Variants in UNC5C observed in about 807,000 individuals in gnomAD.
UNC5C encodes the protein netrin receptor UNC5C.
UNC5C carries 47 observed loss-of-function variants against 99.8 expected under a neutral mutation model. That is an observed-to-expected ratio of 0.47 (90% CI 0.37 to 0.60). The LOEUF (loss-of-function observed/expected upper bound fraction) is 0.60. Ranked by LOEUF, UNC5C falls within the 20% of genes least tolerant of loss-of-function variation. The pLI is 0.00. For synonymous variants in UNC5C, 487 were observed against 452.2 expected, an observed-to-expected ratio of 1.08 and a Z score of -0.98; for missense variants, 1,062 against 1,165.9, an observed-to-expected ratio of 0.91 and a Z score of 1.30.
chr4:95,184,836 T>G (rs1310947348), intron 13 of UNC5C, among the ~76,000 whole-genome samples: 6 of 152,178 alleles, frequency 3.9e-5, no homozygotes, highest in Non-Finnish European at 5.9e-5. Flanking sequence ...AAAACAATGA[T>G]AGTACATTTA....
At position 95,420,081 on chromosome 4, in the gene UNC5C, C is replaced by T. The variant is rs191457197; in HGVS notation, c.125-84450G>A. On this transcript the variant is annotated intron_variant, in intron 1 of 15. Transcript: ENST00000453304. ...AAGTATGAATACCTATAATCAGATGCGAAAACAAAGCATCCATAAGCAATT... is the reference window on the plus strand; with the variant it reads ...AAGTATGAATACCTATAATCAGATGTGAAAACAAAGCATCCATAAGCAATT... Among the ~76,000 whole-genome samples the T allele has an allele frequency of 2.2e-4, 34 of 152,152 alleles. No homozygotes were observed. In the East Asian group the frequency reaches 3.9e-3, roughly 17 times the overall value.
At chr4:95,178,480 A>G (rs1253780598) in intron 14 of UNC5C, among the ~76,000 whole-genome samples, 5 of 151,854 alleles carry the variant, frequency 3.3e-5, no homozygotes, top group African/African-American at 1.2e-4. Context: ...TGGTGAGAGT[A>G]TATCAATCAA....
intron 14 of UNC5C, among the ~76,000 whole-genome samples, chr4:95,171,428 C>G (rs1736103432): frequency 1.5e-5 from 2 of 135,496 alleles, no homozygotes; most frequent in African/African-American, 5.5e-5. Flanking sequence ...GTGTGATGTT[C>G]CCCTTCCTGT....
chr4:95,279,377 G>C (rs764654888), intron 3 of UNC5C, among the ~76,000 whole-genome samples: 2 of 152,168 alleles, frequency 1.3e-5, no homozygotes, highest in Non-Finnish European at 2.9e-5. Context: ...TTTACAAACT[G>C]TTGTTAGATG....
chr4:95,377,873 C>T (rs1994175), intron 1 of UNC5C, among the ~76,000 whole-genome samples: 14,511 of 152,172 alleles, frequency 0.095, 801 homozygotes, highest in Admixed American at 0.14. Flanking sequence ...TATGTATAAG[C>T]AGCTAGTTTC....
intron 2 of UNC5C, among the ~76,000 whole-genome samples, chr4:95,313,706 T>G (rs1391175916): frequency 2.6e-5 from 4 of 152,200 alleles, no homozygotes; most frequent in Non-Finnish European, 5.9e-5. Context: ...GCTATTTGTT[T>G]ATCTTAAAAG....
chr4:95,535,029 A>C (rs1043262072), intron 1 of UNC5C, among the ~76,000 whole-genome samples: 1 of 152,202 alleles, frequency 6.6e-6, no homozygotes, highest in African/African-American at 2.4e-5. Context: ...TGTCTTTACG[A>C]ATACAGCAAA....
At chr4:95,268,605 C>T (rs1740541430) in intron 4 of UNC5C, among the ~76,000 whole-genome samples, 1 of 152,152 alleles carries the variant, frequency 6.6e-6, no homozygotes, top group Admixed American at 6.5e-5. Flanking sequence ...TTGCAGTTTT[C>T]TTATTATACT....
At chr4:95,429,272 G>T (rs114527571) in intron 1 of UNC5C, among the ~76,000 whole-genome samples, 1 of 111,300 alleles carries the variant, frequency 9.0e-6, no homozygotes. Flanking sequence ...ATAATACTTA[G>T]TGATTCTTAA....
intron 4 of UNC5C, among the ~76,000 whole-genome samples, chr4:95,263,867 A>G (rs1359967436): frequency 2.6e-5 from 4 of 152,232 alleles, no homozygotes. Flanking sequence ...TAAATAATTT[A>G]TTCTACAACA....
chr4:95,479,019 A>T (rs1486831777), intron 1 of UNC5C, among the ~76,000 whole-genome samples: 1 of 151,958 alleles, frequency 6.6e-6, no homozygotes, highest in Non-Finnish European at 1.5e-5. Context: ...AAGCTTCCTG[A>T]AGCCTCACCA....
intron 1 of UNC5C, among the ~76,000 whole-genome samples, chr4:95,403,869 T>C (rs1437412825): frequency 2.0e-5 from 3 of 152,222 alleles, no homozygotes; most frequent in Non-Finnish European, 4.4e-5. Context: ...AAGAGGCCAG[T>C]GTGGCTCACA....
At chr4:95,289,126 G>A (rs1741351206) in intron 3 of UNC5C, among the ~76,000 whole-genome samples, 1 of 152,102 alleles carries the variant, frequency 6.6e-6, no homozygotes. Flanking sequence ...ATTTTAAAAG[G>A]TAATATAAAT....
chr4:95,286,202 C>T (rs1741229540), intron 3 of UNC5C, among the ~76,000 whole-genome samples: 1 of 152,098 alleles, frequency 6.6e-6, no homozygotes, highest in East Asian at 1.9e-4. Context: ...TCAAAATAAA[C>T]ATAACCAAGT....
chr4:95,484,769 A>G (rs1721276787), intron 1 of UNC5C, among the ~76,000 whole-genome samples: 1 of 151,900 alleles, frequency 6.6e-6, no homozygotes, highest in African/African-American at 2.4e-5. Context: ...TTCCGAAGAA[A>G]TCAACTAAAT....
At chr4:95,356,427 A>G (rs879488888) in intron 1 of UNC5C, among the ~76,000 whole-genome samples, 7 of 152,218 alleles carry the variant, frequency 4.6e-5, no homozygotes, top group Middle Eastern at 3.4e-3. Flanking sequence ...ACTGCTTGGG[A>G]GGCATCAGCA....
At chr4:95,511,770 G>C (rs909837968) in intron 1 of UNC5C, among the ~76,000 whole-genome samples, 1 of 152,086 alleles carries the variant, frequency 6.6e-6, no homozygotes, top group Non-Finnish European at 1.5e-5. Context: ...GGAGAAAGAT[G>C]TCGACATTCA....
intron 1 of UNC5C, among the ~76,000 whole-genome samples, chr4:95,519,243 A>C (rs1448682443): frequency 1.3e-5 from 2 of 152,160 alleles, no homozygotes; most frequent in Admixed American, 6.5e-5. Flanking sequence ...CCCATTCAGC[A>C]ATAGGACCTG....
At chr4:95,192,443 C>T (rs1560723996) in intron 12 of UNC5C, among the ~76,000 whole-genome samples, 1 of 129,648 alleles carries the variant, frequency 7.7e-6, no homozygotes, top group Non-Finnish European at 1.6e-5. Flanking sequence ...CACCTCCTCC[C>T]CTTCTCATCT....
Sources: allele counts gnomAD v4.1 joint callset (sites outside exome capture counted in the v4.1 genomes callset), GRCh38; gene constraint gnomAD v4.1.1; transcripts MANE v1.5; gene names NCBI Gene and HGNC (gene_info 2026-07-23, HGNC 2026-07-21).